The following MYBPC3 variants were observed in gnomAD, a reference collection of about 807,000 sequenced individuals.
MYBPC3 encodes the protein myosin-binding protein C, cardiac-type.
In MYBPC3, 108 loss-of-function variants were observed where a neutral mutation model predicts 159.3. That is an observed-to-expected ratio of 0.68 (90% CI 0.58 to 0.80). The LOEUF is 0.80. Ranked by LOEUF, MYBPC3 falls within the 30% of genes least tolerant of loss-of-function variation. The pLI is 0.00. For synonymous variants in MYBPC3, 730 were observed against 702.0 expected (o/e 1.04, Z -0.63); for missense variants, 1,631 against 1,762.1 (o/e 0.93, Z 1.33).
Position 47,346,673 on chromosome 11 carries a change from G to A in MYBPC3, c.909-29C>T. 6.3e-7 allele frequency: 1 copy of A among 1,596,126 alleles called. No homozygotes were observed. The highest frequency in any genetic ancestry group is 8.5e-7 in the Non-Finnish European group (1 of 1,170,460). ...CTCCAGGGGTGGGGGTGGGAGAAAG[G>A]GTAGGTGGCACATGAGAGGTATGGC... On this transcript the variant is annotated intron_variant, in intron 10 of 34. Coordinates refer to ENST00000545968, the MANE Select transcript of MYBPC3 (RefSeq NM_000256.3). The surrounding 1 kb of genome is among the most constrained non-coding windows in gnomAD (Gnocchi z 5.3).
chr11:47,348,306 G>A (rs983619480), intron 6 of MYBPC3, 118 bp downstream of exon 6: 13 of 761,280 alleles, frequency 1.7e-5, no homozygotes, highest in Admixed American at 7.2e-5. Flanking sequence ...CACTGGGCAC[G>A]TGGCCAGCAC....
At chr11:47,349,422 C>CA (rs1169678222) in intron 5 of MYBPC3, among the ~76,000 whole-genome samples, 1 of 152,108 alleles carries the variant, frequency 6.6e-6, no homozygotes, top group African/African-American at 2.4e-5. Flanking sequence ...TTTACAACCC[C>CA]ACTAGCTGGT....
chr11:47,348,615 A>T, intron 5 of MYBPC3, 74 bp from the exon 6 acceptor site: 1 of 1,241,802 alleles, frequency 8.1e-7, no homozygotes, highest in Admixed American at 2.3e-5. Flanking sequence ...CTTAAAGGAG[A>T]CTGGGAGTGG....
In MYBPC3 at chr11:47,333,949, C is replaced by T. The variant is rs1468766365; in HGVS notation, c.2967G>A (p.Glu989=). The T allele has an allele frequency of 1.3e-6, 2 of 1,581,774 alleles. No individual in the cohort carries two copies. The highest frequency in any genetic ancestry group is 1.7e-6 in the Non-Finnish European group (2 of 1,164,048). ...LRQTIQKKVG[E]PVNLLIPFQG... Reference sequence around the variant, plus strand: ...GGAAAGGGATGAGAAGGTTCACAGGCTCCCCGACCTTCTTCTGAATGGTCT... The same window carrying T: ...GGAAAGGGATGAGAAGGTTCACAGGTTCCCCGACCTTCTTCTGAATGGTCT... The change falls in exon 28 of 35, where the codon GAG becomes GAA. Residue 989 remains glutamate (E), a synonymous_variant. Coordinates refer to ENST00000545968, the MANE Select transcript of MYBPC3 (RefSeq NM_000256.3).
At chr11:47,333,883 C>T in intron 28 of MYBPC3, 39 bp downstream of exon 28, 1 of 1,556,198 alleles carries the variant, frequency 6.4e-7, no homozygotes, top group East Asian at 2.4e-5. Context: ...ACACTATAGC[C>T]TCTCTCCCCT....
intron 5 of MYBPC3, 57 bp from the exon 6 acceptor site, chr11:47,348,598 C>A: frequency 7.1e-7 from 1 of 1,411,608 alleles, no homozygotes; most frequent in Non-Finnish European, 9.8e-7. Flanking sequence ...AGACAAGGCT[C>A]CGCACCCTTA....
Position 47,349,830 on chromosome 11 carries a change from T to C in MYBPC3, c.598A>G (p.Ser200Gly), listed in dbSNP as rs370554185. 20 of 1,611,782 alleles carry C rather than the reference T, an allele frequency of 1.2e-5. No individual in the cohort carries two copies. In the African/African-American group the frequency reaches 2.7e-4, roughly 22 times the overall value. Residue 200 changes from serine (S) to glycine (G), a missense_variant, in exon 5 of 35, where the codon AGC becomes GGC. By Grantham distance (56) the Ser-to-Gly change is moderately conservative. Transcript: ENST00000545968. ...KWFKGKWVDL[S>G]SKVGQHLQLH... ...TGCAGGTGCTGGCCCACCTTGCTGC[T>C]CAGGTCCACCCATTTGCCCTTGAAC... is the stretch of plus-strand genomic sequence containing the variant.
At position 47,332,575 on chromosome 11, in the gene MYBPC3, A is replaced by G; in HGVS notation, c.3618T>C (p.Gly1206=). ...YTAMLCCAVR[G]SPKPKISWFK... ...GCCTAAAGTTCCCTACCTTGGGGCT[A>G]CCCCGGACAGCACAGCAGAGCATAG... The change falls in exon 32 of 35, where the codon GGT becomes GGC. Residue 1206 remains glycine (G), a synonymous_variant. Coordinates refer to ENST00000545968, the MANE Select transcript of MYBPC3 (RefSeq NM_000256.3). The surrounding 1 kb of genome is among the most constrained non-coding windows in gnomAD (Gnocchi z 4.2). The G allele has an allele frequency of 6.2e-7, 1 of 1,611,852 alleles. No individual in the cohort carries two copies. Among genetic ancestry groups the G allele is most frequent in the Non-Finnish European group, 8.5e-7 (1 of 1,178,452 alleles).
Position 47,350,508 on chromosome 11 carries a change from G to T in MYBPC3, c.400C>A (p.Pro134Thr), listed in dbSNP as rs1233789701. ...CCTGCCCAGCCCCTCTCACCTTTGG[G>T]ACTTGGGGCACTTTCTCCCAGCTCA... Reference protein sequence around the residue: ...AAELGESAPSPKGSSSAALNG... With the variant: ...AAELGESAPSTKGSSSAALNG... The change falls in exon 3 of 35, where the codon CCC (proline) becomes ACC (threonine). Residue 134 changes from proline to threonine, a missense_variant. Pro to Thr is a conservative substitution (Grantham distance 38). Transcript: ENST00000545968. The T allele has an allele frequency of 6.4e-7, 1 of 1,560,384 alleles. No homozygotes were observed. The highest frequency in any genetic ancestry group is 2.4e-5 in the East Asian group (1 of 42,136).
At position 47,331,894 on chromosome 11, in the gene MYBPC3, A is replaced by T; in HGVS notation, c.3815-13T>A. ...GGTCACTGAGGCACTGCAGAAGAGG[A>T]GGCCATGTCACTGTGTCCTCCCAGC... is the stretch of plus-strand genomic sequence containing the variant. On this transcript the variant is annotated splice_polypyrimidine_tract_variant and intron_variant, in intron 33 of 34. Transcript: ENST00000545968. 1 of 1,610,122 alleles carries T rather than the reference A, an allele frequency of 6.2e-7. No homozygotes were observed. The highest frequency in any genetic ancestry group is 8.5e-7 in the Non-Finnish European group (1 of 1,178,508).
At chr11:47,339,933 C>G (rs1019372304) in intron 20 of MYBPC3, 143 bp from the exon 21 acceptor site, 6 of 870,596 alleles carry the variant, frequency 6.9e-6, no homozygotes, top group Admixed American at 5.8e-5. Context: ...TCAGATCTGA[C>G]AGTAGGCTGA....
At chr11:47,347,138 G>T in intron 9 of MYBPC3, 109 bp from the exon 10 acceptor site, 1 of 1,378,936 alleles carries the variant, frequency 7.3e-7, no homozygotes, top group South Asian at 1.4e-5. Context: ...GCAGCTCTGG[G>T]GACCCTCTCT....
At chr11:47,352,362 G>C (rs2095901747) in intron 1 of MYBPC3, among the ~76,000 whole-genome samples, 1 of 152,056 alleles carries the variant, frequency 6.6e-6, no homozygotes, top group Non-Finnish European at 1.5e-5. Context: ...TCTCAGAATG[G>C]GTTGACCCCG....
Position 47,332,702 on chromosome 11 carries a change from C to T in MYBPC3, c.3491G>A (p.Gly1164Asp), listed in dbSNP as rs1296982794. 6.2e-7 allele frequency: 1 copy of T among 1,606,672 alleles called. No individual in the cohort carries two copies. The change falls in exon 32 of 35, where the codon GGC becomes GAC. Residue 1164 changes from glycine (G) to aspartate (D), a missense_variant and splice_region_variant. By Grantham distance (94) the Gly-to-Asp change is moderately conservative. Coordinates refer to ENST00000545968, the MANE Select transcript of MYBPC3 (RefSeq NM_000256.3). This position sits in a 1 kb window ranked among gnomAD's most constrained non-coding sequence, Gnocchi z 4.2. ...TKEPVFIPRP[G>D]ITYEPPNYKA... The stretch of plus-strand genomic sequence containing the variant: ...ATAGTTGGGTGGCTCATAGGTGATG[C>T]CTGTTGGTGACAGGACTTGGTACCG...
At chr11:47,342,985 TC>T (rs772099461) in intron 15 of MYBPC3, 35 bp downstream of exon 15, 47 of 1,612,486 alleles carry the variant, frequency 2.9e-5, no homozygotes, top group African/African-American at 2.3e-4. Context: ...GGCCATCTCC[TC>T]CCCAGGTTCC....
intron 27 of MYBPC3, among the ~76,000 whole-genome samples, chr11:47,334,712 G>A (rs1460826485): frequency 2.0e-5 from 3 of 152,034 alleles, no homozygotes; most frequent in Non-Finnish European, 2.9e-5. Flanking sequence ...ACAGGCACGC[G>A]CCACCACACC....
In MYBPC3 at chr11:47,333,201, T is replaced by G. The variant is rs397516015; in HGVS notation, c.3323A>C (p.Lys1108Thr). ...WGYTVQKADK[K>T]TMEWFTVLEH... ...CCCAGACCCTGGGCTCACCATGGTC[T>G]TCTTGTCGGCTTTCTGCACTGTGTA... The change falls in exon 30 of 35, where the codon AAG becomes ACG. Residue 1108 changes from lysine to threonine, a missense_variant. Lys to Thr is a moderately conservative substitution (Grantham distance 78). Transcript: ENST00000545968. The G allele has an allele frequency of 9.5e-5, 152 of 1,602,334 alleles. No homozygotes were observed. The highest frequency in any genetic ancestry group is 1.3e-4 in the Non-Finnish European group (147 of 1,174,458).
Position 47,335,961 on chromosome 11 carries a change from T to A in MYBPC3, c.2653A>T (p.Thr885Ser). The A allele has an allele frequency of 6.4e-7, 1 of 1,564,688 alleles. No individual in the cohort carries two copies. The highest frequency in any genetic ancestry group is 8.6e-7 in the Non-Finnish European group (1 of 1,156,676). ...GGGGGCCGCCACTTGAGGGAGACCGTGGTGTCAGAGACGTCCTCTACTGCC... is the reference window on the plus strand; with the variant it reads ...GGGGGCCGCCACTTGAGGGAGACCGAGGTGTCAGAGACGTCCTCTACTGCC... ...HLAVEDVSDT[T>S]VSLKWRPPER... Residue 885 changes from threonine to serine, a missense_variant, in exon 26 of 35, where the codon ACG becomes TCG. By Grantham distance (58) the Thr-to-Ser change is moderately conservative. Coordinates refer to ENST00000545968, the MANE Select transcript of MYBPC3 (RefSeq NM_000256.3).
At position 47,337,462 on chromosome 11, in the gene MYBPC3, A is replaced by G. The variant is rs1218588460; in HGVS notation, c.2531T>C (p.Met844Thr). Residue 844 changes from methionine to threonine, a missense_variant, in exon 25 of 35, where the codon ATG becomes ACG. Physicochemically the swap from Met to Thr is moderately conservative, Grantham distance 81. Transcript: ENST00000545968. The stretch of plus-strand genomic sequence containing the variant: ...GATGGCGTTGACCGCGTAGACGCGC[A>G]TCTCGTACACCACGCCCTCGATCAT... ...RRMIEGVVYEMRVYAVNAIGM... is the reference protein window; with the variant it reads ...RRMIEGVVYETRVYAVNAIGM... The G allele has an allele frequency of 6.2e-7, 1 of 1,613,748 alleles. No individual in the cohort carries two copies.
Sources: gnomAD v4.1 joint callset for allele counts (sites outside exome capture counted in the v4.1 genomes callset) on GRCh38, gnomAD v4.1.1 for gene constraint, Gnocchi (gnomAD v3.1) non-coding constraint, MANE v1.5 for transcripts, NCBI Gene and HGNC (gene_info 2026-07-23, HGNC 2026-07-21) for gene names.